The following RP2 variants were observed in gnomAD, a reference collection of about 807,000 sequenced individuals.
RP2 encodes RP2 activator of ARL3 GTPase, also known as protein XRP2.
A neutral mutation model predicts 20.3 loss-of-function variants in RP2; 3 were observed. The observed-to-expected ratio is 0.15, with a 90% CI of 0.07 to 0.38. The LOEUF (loss-of-function observed/expected upper bound fraction) is 0.38. Among genes scored for constraint, RP2 ranks in the 10% least tolerant of loss-of-function variants. The probability of loss-of-function intolerance (pLI) is 1.00; values close to 1 mark genes in which losing one functional copy is unlikely to be tolerated. For missense variants in RP2, 233 were observed against 268.5 expected (o/e 0.87, Z 0.92); for synonymous variants, 75 against 94.8 (o/e 0.79, Z 1.22).
At chrX:46,854,362 A>G (rs1924918734) in intron 2 of RP2, among the ~76,000 whole-genome samples, 1 of 112,175 alleles carries the variant, frequency 8.9e-6, no homozygotes, top group South Asian at 3.7e-4. Flanking sequence ...AATTCAATTC[A>G]GTAAGCATTA....
chrX:46,851,491 C>G (rs1924858192), intron 1 of RP2, among the ~76,000 whole-genome samples: 1 of 108,797 alleles, frequency 9.2e-6, no homozygotes, highest in South Asian at 4.1e-4. Flanking sequence ...ACAACATTAG[C>G]TGGGCATGGT....
At chrX:46,837,914 T>G (rs1244342672) in intron 1 of RP2, among the ~76,000 whole-genome samples, 4 of 112,257 alleles carry the variant, frequency 3.6e-5, no homozygotes, top group African/African-American at 1.3e-4. Flanking sequence ...CGCCCTTATT[T>G]TTATTTTTGT....
chrX:46,882,219 ATAT>A lies in RP2; in HGVS notation c.*2454_*2456del, dbSNP rs781906501. ...ATTTTATTAAGTTATATGTGTTTAA[ATAT>A]TATATTAGCTTATTTCTCTTGCATT... On this transcript the variant is annotated 3_prime_UTR_variant, in exon 5 of 5. Coordinates refer to ENST00000218340, the MANE Select transcript of RP2 (RefSeq NM_006915.3). 1.1e-4 allele frequency: 12 copies of A among 112,507 alleles called. No homozygotes were observed. The highest frequency in any genetic ancestry group is 2.6e-4 in the African/African-American group (8 of 31,057). 9.3% of individuals were successfully genotyped at this position (112,507 alleles called of 1,213,427 possible).
At chrX:46,863,399 ATTC>A (rs1173449021) in intron 3 of RP2, among the ~76,000 whole-genome samples, 1 of 112,374 alleles carries the variant, frequency 8.9e-6, no homozygotes, top group African/African-American at 3.2e-5. Context: ...TATTCTTTCA[ATTC>A]TTCTATAATG....
chrX:46,847,789 T>TATGTGTGTGTGTATATACACAC (rs10694224), intron 1 of RP2, among the ~76,000 whole-genome samples: 1 of 83,475 alleles, frequency 1.2e-5, no homozygotes, highest in Non-Finnish European at 2.3e-5. Flanking sequence ...CATACACACA[T>TATGTGTGTGTGTATATACACAC]GTGTGTGTGT....
In RP2 at chrX:46,853,798, A is replaced by G. The variant is rs782445650; in HGVS notation, c.425A>G (p.Asn142Ser). Residue 142 changes from asparagine to serine, a missense_variant, in exon 2 of 5, where the codon AAT (asparagine) becomes AGT (serine). By Grantham distance (46) the Asn-to-Ser change is conservative (BLOSUM62 1). This residue lies in a region of RP2 where 38 missense variants were observed against 72.9 expected (regional missense o/e 0.52). Coordinates refer to ENST00000218340, the MANE Select transcript of RP2 (RefSeq NM_006915.3). ...ATQPIIESSS[N>S]IKFGCFQWYY... The stretch of plus-strand genomic sequence containing the variant: ...CAACCCATCATTGAGTCTTCCTCAA[A>G]TATCAAATTTGGATGTTTTCAATGG... The G allele has an allele frequency of 1.7e-6, 2 of 1,211,918 alleles. No homozygotes were observed. The highest frequency in any genetic ancestry group is 1.7e-5 in the African/African-American group (1 of 57,846).
intron 1 of RP2, 80 bp downstream of exon 1, chrX:46,837,282 G>T: frequency 1.0e-6 from 1 of 972,315 alleles, no homozygotes; most frequent in Non-Finnish European, 1.4e-6. Flanking sequence ...ACCGCTGAGG[G>T]GGCCGACCCA....
intron 2 of RP2, among the ~76,000 whole-genome samples, chrX:46,858,894 C>T (rs1210659354): frequency 9.0e-6 from 1 of 111,501 alleles, no homozygotes; most frequent in Non-Finnish European, 1.9e-5. Context: ...TTGTACCATA[C>T]CTTGAATAAT....
intron 1 of RP2, among the ~76,000 whole-genome samples, chrX:46,852,708 G>A (rs782224031): frequency 8.1e-5 from 9 of 110,458 alleles, no homozygotes; most frequent in East Asian, 2.8e-4. Context: ...TCAGCCTCCC[G>A]AGTAGCTGGG....
rs782344765 is a variant in RP2 at position 46,837,108 on chromosome X, G to C, written c.8G>C (p.Cys3Ser). The C allele has an allele frequency of 9.3e-5, 108 of 1,166,907 alleles. No homozygotes were observed. Among genetic ancestry groups the C allele is most frequent in the Middle Eastern group, 2.3e-4 (1 of 4,331 alleles). ...GCTCCGCGGGCTGGGACCATGGGCTGCTTCTTCTCCAAGAGACGGAAGGCT... is the reference window on the plus strand; with the variant it reads ...GCTCCGCGGGCTGGGACCATGGGCTCCTTCTTCTCCAAGAGACGGAAGGCT... MG[C>S]FFSKRRKADK... The change falls in exon 1 of 5, where the codon TGC becomes TCC. Residue 3 changes from cysteine to serine, a missense_variant. By Grantham distance (112) the Cys-to-Ser change is moderately radical. Coordinates refer to ENST00000218340, the MANE Select transcript of RP2 (RefSeq NM_006915.3).
intron 1 of RP2, among the ~76,000 whole-genome samples, chrX:46,843,153 G>A (rs1385134366): frequency 2.7e-5 from 3 of 109,486 alleles, no homozygotes; most frequent in Non-Finnish European, 5.7e-5. Flanking sequence ...GATTACAGGC[G>A]CCCGCCGCCA....
Position 46,862,663 on chromosome X carries a change from AAAAC to A in RP2, c.883+2581_883+2584del, listed in dbSNP as rs781984106. Among the ~76,000 whole-genome samples, 398 of 111,848 alleles carry A rather than the reference AAAAC, an allele frequency of 3.6e-3. 1 individual carries two copies. The highest frequency in any genetic ancestry group is 0.012 in the African/African-American group (362 of 30,739). ...CGACAGAGCAAGACTCTGTCTCAAA[AAAAC>A]AAACAAACAAACAAACAAAAAAACC... On this transcript the variant is annotated intron_variant, in intron 3 of 4. Coordinates refer to ENST00000218340, the MANE Select transcript of RP2 (RefSeq NM_006915.3).
intron 4 of RP2, among the ~76,000 whole-genome samples, chrX:46,878,804 T>G (rs1272384442): frequency 9.0e-6 from 1 of 111,347 alleles, no homozygotes. Flanking sequence ...GTCAGCATCA[T>G]ATGCTAGTTT....
At chrX:46,857,344 G>A (rs1426087917) in intron 2 of RP2, among the ~76,000 whole-genome samples, 4 of 111,300 alleles carry the variant, frequency 3.6e-5, no homozygotes, top group Non-Finnish European at 7.6e-5. Flanking sequence ...GGTGGATCAC[G>A]AGGTCAGGAG....
chrX:46,844,399 A>G (rs1321687789), intron 1 of RP2, among the ~76,000 whole-genome samples: 2 of 102,731 alleles, frequency 1.9e-5, no homozygotes, highest in Non-Finnish European at 3.9e-5. Flanking sequence ...TCATTGTTCA[A>G]TTCCCACCTA....
intron 3 of RP2, among the ~76,000 whole-genome samples, chrX:46,870,031 C>G: frequency 8.9e-6 from 1 of 112,519 alleles, no homozygotes; most frequent in East Asian, 2.8e-4. Flanking sequence ...GCTTATCTAA[C>G]ACATTTTCTC....
At chrX:46,868,093 G>C (rs1925207655) in intron 3 of RP2, among the ~76,000 whole-genome samples, 1 of 111,994 alleles carries the variant, frequency 8.9e-6, no homozygotes, top group Non-Finnish European at 1.9e-5. Flanking sequence ...AGGTTTTTGA[G>C]TGTACATAAC....
chrX:46,847,875 T>TAC (rs1250922706), intron 1 of RP2, among the ~76,000 whole-genome samples: 1 of 99,835 alleles, frequency 1.0e-5, no homozygotes, highest in Non-Finnish European at 2.0e-5. Flanking sequence ...TGTATATATA[T>TAC]ACACGCATAT....
At chrX:46,867,716 CTTTT>C in intron 3 of RP2, among the ~76,000 whole-genome samples, 1 of 109,629 alleles carries the variant, frequency 9.1e-6, no homozygotes, top group Non-Finnish European at 1.9e-5. Context: ...ATGAGATCCA[CTTTT>C]TTTAGCCCCC....
Sources: allele counts gnomAD v4.1 joint callset (sites outside exome capture counted in the v4.1 genomes callset), GRCh38; gene constraint gnomAD v4.1.1; regional missense constraint gnomAD v4.1.1; transcripts MANE v1.5; gene names NCBI Gene and HGNC (gene_info 2026-07-23, HGNC 2026-07-21).